LSM3: variants seen among roughly 807,000 people sequenced by gnomAD.
LSM3 encodes the protein U6 snRNA-associated Sm-like protein LSm3.
A neutral mutation model predicts 15.4 loss-of-function variants in LSM3; 14 were observed. The ratio of observed to expected loss-of-function variants is 0.91; its 90% CI spans 0.60 to 1.42. The LOEUF (loss-of-function observed/expected upper bound fraction) is 1.42, where lower values mean the gene tolerates loss of function less well. Ranked by LOEUF, LSM3 falls within the 40% of genes most tolerant of loss-of-function variation. LSM3 has a pLI of 0.00. For synonymous variants in LSM3, 46 were observed against 45.1 expected (o/e 1.02, Z -0.08); for missense variants, 88 against 127.9 (o/e 0.69, Z 1.50).
intron 3 of LSM3, among the ~76,000 whole-genome samples, chr3:14,191,684 T>C (rs111746012): frequency 0.41 from 61,637 of 151,994 alleles, 13,240 homozygotes; most frequent in Non-Finnish European, 0.48. Flanking sequence ...TTCTTCTTTA[T>C]TAGTCTGGCT....
chr3:14,192,960 G>A (rs2445979), intron 3 of LSM3, among the ~76,000 whole-genome samples: 64,055 of 152,078 alleles, frequency 0.42, 14,072 homozygotes, highest in Non-Finnish European at 0.48. Context: ...GAGCTCTTGT[G>A]AGGCAGGCCT....
intron 3 of LSM3, among the ~76,000 whole-genome samples, chr3:14,184,476 C>T (rs554323909): frequency 4.6e-5 from 7 of 152,152 alleles, no homozygotes; most frequent in Admixed American, 2.0e-4. Context: ...AAACCTGGGC[C>T]GGGCGCGGTG....
rs1386188872 is a variant in LSM3 at position 14,181,628 on chromosome 3, T to C, written c.90T>C (p.Tyr30=). The C allele has an allele frequency of 6.2e-7, 1 of 1,614,116 alleles. No individual in the cohort carries two copies. The highest frequency in any genetic ancestry group is 2.2e-5 in the East Asian group (1 of 44,878). The change falls in exon 2 of 4, where the codon TAT becomes TAC. Residue 30 remains tyrosine, a synonymous_variant. Coordinates refer to ENST00000306024, the MANE Select transcript of LSM3 (RefSeq NM_014463.3). ...GGCTCAGCCTAGATGAGCGAATTTA[T>C]GTGAAAATGAGAAATGACCGAGAGC... ...LIRLSLDERI[Y]VKMRNDRELR... is the part of the protein sequence containing the mutation.
At position 14,198,458 on chromosome 3, in the gene LSM3, T is replaced by C. The variant is rs1697205609; in HGVS notation, c.*342T>C. 3.7e-6 allele frequency: 1 copy of C among 267,874 alleles called. No individual in the cohort carries two copies. The highest frequency in any genetic ancestry group is 2.2e-5 in the African/African-American group (1 of 44,744). 16.6% of individuals were successfully genotyped at this position (267,874 alleles called of 1,614,324 possible). A position where few individuals can be genotyped will look rare whatever the true frequency, so the allele number is the denominator to read the frequency against. The stretch of plus-strand genomic sequence containing the variant: ...TTTTTAAGTGCGGTCTTCTGTCTTG[T>C]GAATTATTTAAAGTAAGCATGTCTT... On this transcript the variant is annotated 3_prime_UTR_variant, in exon 4 of 4. Coordinates refer to ENST00000306024, the MANE Select transcript of LSM3 (RefSeq NM_014463.3).
chr3:14,182,619 G>C (rs1697050539), intron 2 of LSM3, among the ~76,000 whole-genome samples: 1 of 152,102 alleles, frequency 6.6e-6, no homozygotes, highest in Non-Finnish European at 1.5e-5. Context: ...ACTTTCCTAA[G>C]TGTGTTGTTT....
chr3:14,184,756 C>CAA (rs959190131), intron 3 of LSM3, among the ~76,000 whole-genome samples: 4 of 90,836 alleles, frequency 4.4e-5, no homozygotes, highest in East Asian at 3.5e-4. Context: ...GACTCCGTCT[C>CAA]AAAAAAAAAA....
rs1697216122 is a variant in LSM3 at position 14,199,513 on chromosome 3, G to C, written c.*1397G>C. The C allele has an allele frequency of 6.6e-6, 1 of 152,220 alleles. No homozygotes were observed. Among genetic ancestry groups the C allele is most frequent in the Non-Finnish European group, 1.5e-5 (1 of 68,038 alleles). 9.4% of individuals were successfully genotyped at this position (152,220 alleles called of 1,614,324 possible). A position where few individuals can be genotyped will look rare whatever the true frequency, so the allele number is the denominator to read the frequency against. On this transcript the variant is annotated 3_prime_UTR_variant, in exon 4 of 4. Coordinates refer to ENST00000306024, the MANE Select transcript of LSM3 (RefSeq NM_014463.3). ...GCCTTGTGCAAGAAAGATGCTTTCAGTAAACATATTTAAAAGGTTTTATTT... is the reference window on the plus strand; with the variant it reads ...GCCTTGTGCAAGAAAGATGCTTTCACTAAACATATTTAAAAGGTTTTATTT...
chr3:14,180,821 CTTTTTTTTTTTTTTTTTT>C lies in LSM3; in HGVS notation c.22-720_22-703del, dbSNP rs1164090236. Among the ~76,000 whole-genome samples the C allele has an allele frequency of 1.5e-3, 68 of 46,768 alleles. 1 individual carries two copies. The highest frequency in any genetic ancestry group is 2.7e-3 in the African/African-American group (34 of 12,596). The allele number at this position is 46,768 out of a possible 152,430, so 30.7% of individuals were successfully genotyped here. On this transcript the variant is annotated intron_variant, in intron 1 of 3. Transcript: ENST00000306024. ...GACTCCAAAGCCAGTGCTTGCTTGCCTTTTTTTTTTTTTTTTTTTTTTTTTTTTTTTTTTTTAAAAAAA... is the reference window on the plus strand; with the variant it reads ...GACTCCAAAGCCAGTGCTTGCTTGCCTTTTTTTTTTTTTTTTTTAAAAAAA...
rs1559390178 is a variant in LSM3, at chr3:14,180,839, TTTTTTTTTTTTTTTTTTTA to T, written c.22-720_22-702del. Among the ~76,000 whole-genome samples, 218 of 126,064 alleles carry T rather than the reference TTTTTTTTTTTTTTTTTTTA, an allele frequency of 1.7e-3. 1 individual carries two copies. Among genetic ancestry groups the T allele is most frequent in the African/African-American group, 6.1e-3 (187 of 30,722 alleles). 82.7% of individuals were successfully genotyped at this position (126,064 alleles called of 152,430 possible). On this transcript the variant is annotated intron_variant, in intron 1 of 3. Coordinates refer to ENST00000306024, the MANE Select transcript of LSM3 (RefSeq NM_014463.3). ...TGCTTGCCTTTTTTTTTTTTTTTTT[TTTTTTTTTTTTTTTTTTTA>T]AAAAAAAAAAAGACAAGAGTCTCAC... is the stretch of plus-strand genomic sequence containing the variant.
intron 3 of LSM3, among the ~76,000 whole-genome samples, chr3:14,190,281 C>T (rs1231764458): frequency 6.6e-6 from 1 of 152,096 alleles, no homozygotes; most frequent in African/African-American, 2.4e-5. Flanking sequence ...TATGCAGGCT[C>T]TTTTTGGTTT....
intron 3 of LSM3, among the ~76,000 whole-genome samples, chr3:14,193,890 G>C (rs1697164382): frequency 6.6e-6 from 1 of 152,148 alleles, no homozygotes; most frequent in Admixed American, 6.5e-5. Flanking sequence ...GCCTTTTTGT[G>C]CTGGTTTTTC....
At chr3:14,190,405 A>G (rs1333802199) in intron 3 of LSM3, among the ~76,000 whole-genome samples, 1 of 152,114 alleles carries the variant, frequency 6.6e-6, no homozygotes, top group Non-Finnish European at 1.5e-5. Context: ...TTTTCATGAT[A>G]TTGATTCTTC....
At chr3:14,192,773 T>C (rs996658044) in intron 3 of LSM3, among the ~76,000 whole-genome samples, 1 of 152,240 alleles carries the variant, frequency 6.6e-6, no homozygotes, top group African/African-American at 2.4e-5. Flanking sequence ...TTAGCCCGTT[T>C]ACATTTAAGG....
rs1040884409 is a variant in LSM3 at position 14,199,530 on chromosome 3, G to A, written c.*1414G>A. 1 of 152,172 alleles carries A rather than the reference G, an allele frequency of 6.6e-6. No homozygotes were observed. The highest frequency in any genetic ancestry group is 1.5e-5 in the Non-Finnish European group (1 of 68,028). The allele number at this position is 152,172 out of a possible 1,614,324, so 9.4% of individuals were successfully genotyped here. A position where few individuals can be genotyped will look rare whatever the true frequency, so the allele number is the denominator to read the frequency against. On this transcript the variant is annotated 3_prime_UTR_variant, in exon 4 of 4. Coordinates refer to ENST00000306024, the MANE Select transcript of LSM3 (RefSeq NM_014463.3). ...TGCTTTCAGTAAACATATTTAAAAG[G>A]TTTTATTTTCCTTACTAATGGTACA...
At chr3:14,180,819 GCC>G (rs1559390121) in intron 1 of LSM3, among the ~76,000 whole-genome samples, 1 of 70,878 alleles carries the variant, frequency 1.4e-5, no homozygotes, top group Non-Finnish European at 2.5e-5. Flanking sequence ...GTGCTTGCTT[GCC>G]TTTTTTTTTT....
At chr3:14,190,049 T>C (rs1285466839) in intron 3 of LSM3, among the ~76,000 whole-genome samples, 1 of 152,230 alleles carries the variant, frequency 6.6e-6, no homozygotes, top group Non-Finnish European at 1.5e-5. Context: ...ATTTATTAAA[T>C]AGGGAATCTT....
chr3:14,178,818 T>C lies in LSM3; in HGVS notation c.-43T>C, dbSNP rs1696965797. 9 of 1,613,438 alleles carry C rather than the reference T, an allele frequency of 5.6e-6. No homozygotes were observed. The highest frequency in any genetic ancestry group is 7.6e-6 in the Non-Finnish European group (9 of 1,179,292). The stretch of plus-strand genomic sequence containing the variant: ...ACGTTTCCGGAGATTGACGTTGCTC[T>C]TGTGTTCTCGCGAGAGGCGGGAAAG... On this transcript the variant is annotated 5_prime_UTR_variant, in exon 1 of 4. Coordinates refer to ENST00000306024, the MANE Select transcript of LSM3 (RefSeq NM_014463.3).
rs2124832823 is a variant in LSM3 at position 14,200,073 on chromosome 3, A to G, written c.*1957A>G. The G allele has an allele frequency of 6.6e-6, 1 of 152,358 alleles. No homozygotes were observed. The highest frequency in any genetic ancestry group is 1.5e-5 in the Non-Finnish European group (1 of 68,052). 9.4% of individuals were successfully genotyped at this position (152,358 alleles called of 1,614,324 possible). On this transcript the variant is annotated 3_prime_UTR_variant, in exon 4 of 4. Transcript: ENST00000306024. ...CTTTCTCCTTTTTCTCCTGGAACTGATAGTTTACACTAAAACTTTTGGCTG... is the reference window on the plus strand; with the variant it reads ...CTTTCTCCTTTTTCTCCTGGAACTGGTAGTTTACACTAAAACTTTTGGCTG...
chr3:14,189,634 T>C (rs1401853634), intron 3 of LSM3, among the ~76,000 whole-genome samples: 4 of 152,274 alleles, frequency 2.6e-5, no homozygotes, highest in South Asian at 4.1e-4. Context: ...CCTTTGCCCA[T>C]TTTTTGATGG....
Sources: allele counts gnomAD v4.1 joint callset (sites outside exome capture counted in the v4.1 genomes callset), GRCh38; gene constraint gnomAD v4.1.1; transcripts MANE v1.5; gene names NCBI Gene and HGNC (gene_info 2026-07-23, HGNC 2026-07-21).